PBX1: variants seen among roughly 807,000 people sequenced by gnomAD.
The protein encoded by PBX1 is pre-B-cell leukemia transcription factor 1.
A neutral mutation model predicts 53.4 loss-of-function variants in PBX1; 6 were observed. The ratio of observed to expected loss-of-function variants is 0.11; its 90% CI spans 0.06 to 0.22. The LOEUF is 0.22. PBX1 is among the 10% of genes least tolerant of loss of function. PBX1 has a pLI of 1.00. For synonymous variants in PBX1, 204 were observed against 212.3 expected (o/e 0.96, Z 0.34); for missense variants, 251 against 551.4 (o/e 0.46, Z 5.46).
At chr1:164,623,834 T>C (rs1657856222) in intron 2 of PBX1, among the ~76,000 whole-genome samples, 2 of 152,230 alleles carry the variant, frequency 1.3e-5, no homozygotes, top group South Asian at 2.1e-4. Context: ...GTTAATGATA[T>C]TTTAGAAGCC....
chr1:164,694,622 C>T (rs1662700600), intron 2 of PBX1, among the ~76,000 whole-genome samples: 1 of 152,192 alleles, frequency 6.6e-6, no homozygotes, highest in Non-Finnish European at 1.5e-5. Flanking sequence ...CAATCCCCAT[C>T]CACAACAAGT....
At chr1:164,842,830 T>C (rs1189036792) in intron 8 of PBX1, among the ~76,000 whole-genome samples, 1 of 152,124 alleles carries the variant, frequency 6.6e-6, no homozygotes, top group Non-Finnish European at 1.5e-5. Context: ...TTATAAAGAA[T>C]TGTTTGCATC....
chr1:164,861,094 T>TAA (rs112809386), intron 2 of PBX1, among the ~76,000 whole-genome samples: 13,386 of 151,444 alleles, frequency 0.088, 749 homozygotes, highest in East Asian at 0.17. Flanking sequence ...GGAGAAATGT[T>TAA]AAGAGAGGAA....
intron 2 of PBX1, among the ~76,000 whole-genome samples, chr1:164,879,747 C>T (rs1003723885): frequency 6.6e-6 from 1 of 152,156 alleles, no homozygotes; most frequent in African/African-American, 2.4e-5. Flanking sequence ...GATAATATGA[C>T]CAGATAGATC....
chr1:164,567,609 C>T (rs773121216), intron 2 of PBX1, among the ~76,000 whole-genome samples: 2 of 151,986 alleles, frequency 1.3e-5, no homozygotes, highest in Admixed American at 6.6e-5. Flanking sequence ...GGATATAAGC[C>T]GTAGACCTAC....
intron 2 of PBX1, among the ~76,000 whole-genome samples, chr1:164,875,982 G>GTA (rs1402850741): frequency 4.1e-5 from 1 of 24,324 alleles, no homozygotes; most frequent in African/African-American, 5.9e-5. Context: ...TATATTTGGT[G>GTA]TATGTGTATA....
chr1:164,746,591 G>C (rs1386789523), intron 2 of PBX1, among the ~76,000 whole-genome samples: 2 of 152,030 alleles, frequency 1.3e-5, no homozygotes, highest in African/African-American at 4.8e-5. Flanking sequence ...TGGCCAGGCT[G>C]TTCTCGAACC....
intron 2 of PBX1, among the ~76,000 whole-genome samples, chr1:164,637,568 A>G (rs887550873): frequency 3.3e-5 from 5 of 152,104 alleles, no homozygotes; most frequent in African/African-American, 1.2e-4. Flanking sequence ...GTAGGCAGCT[A>G]TTTGATTTGC....
At chr1:164,763,000 C>T (rs913224339) in intron 2 of PBX1, among the ~76,000 whole-genome samples, 1 of 152,070 alleles carries the variant, frequency 6.6e-6, no homozygotes, top group African/African-American at 2.4e-5. Context: ...TATATTATCT[C>T]GATTTTGATA....
chr1:164,708,544 C>G (rs1663578872), intron 2 of PBX1, among the ~76,000 whole-genome samples: 1 of 152,132 alleles, frequency 6.6e-6, no homozygotes, highest in South Asian at 2.1e-4. Context: ...AGCCCTTGCC[C>G]TTTCCCTCCC....
At chr1:164,572,720 G>T (rs1231595007) in intron 2 of PBX1, among the ~76,000 whole-genome samples, 1 of 152,092 alleles carries the variant, frequency 6.6e-6, no homozygotes, top group African/African-American at 2.4e-5. Context: ...GATGTAGGAT[G>T]GTGGGCTAAA....
intron 2 of PBX1, among the ~76,000 whole-genome samples, chr1:164,567,027 G>T (rs1653482024): frequency 6.6e-6 from 1 of 151,856 alleles, no homozygotes; most frequent in South Asian, 2.1e-4. Flanking sequence ...GTGTGTGTGT[G>T]TTTTTTTAAT....
chr1:164,561,637 C>T (rs1378008768), intron 1 of PBX1, among the ~76,000 whole-genome samples: 1 of 152,156 alleles, frequency 6.6e-6, no homozygotes, highest in African/African-American at 2.4e-5. Context: ...GTGGAAGGGG[C>T]TAGTAAGAAT....
intron 2 of PBX1, among the ~76,000 whole-genome samples, chr1:164,792,135 T>A (rs1668546668): frequency 6.6e-6 from 1 of 152,152 alleles, no homozygotes; most frequent in African/African-American, 2.4e-5. Context: ...CAGTTGAGTA[T>A]TATTTTGCAG....
rs368169012 is a variant in PBX1, at chr1:164,804,518, C to A, written c.702-3024C>A. On this transcript the variant is annotated intron_variant, in intron 4 of 8. Coordinates refer to ENST00000420696, the MANE Select transcript of PBX1 (RefSeq NM_002585.4). ...TAGCCACATTGCAGCTGCTCAGTAG[C>A]CACACATAGCCAATGACTAATGTAT... 2.8e-3 allele frequency among the ~76,000 whole-genome samples: 428 copies of A among 152,246 alleles called. 9 individuals carry two copies. The South Asian group carries it at 0.045, about 16-fold the overall frequency.
chr1:164,839,376 A>G (rs890230829), intron 8 of PBX1, among the ~76,000 whole-genome samples: 4 of 152,232 alleles, frequency 2.6e-5, no homozygotes, highest in African/African-American at 9.6e-5. Context: ...TACGTAATTA[A>G]AAACTAAGTG....
At chr1:164,790,431 T>C (rs1668439307) in intron 2 of PBX1, among the ~76,000 whole-genome samples, 1 of 152,172 alleles carries the variant, frequency 6.6e-6, no homozygotes, top group South Asian at 2.1e-4. Flanking sequence ...GAATATTACA[T>C]ATTCAGGTTT....
intron 3 of PBX1, 34 bp downstream of exon 3, chr1:164,792,772 C>A: frequency 1.3e-6 from 2 of 1,501,366 alleles, no homozygotes; most frequent in Non-Finnish European, 9.1e-7. Context: ...GGCACCCAGG[C>A]CCTTTAGGAA....
At chr1:164,690,488 G>GT (rs1343143650) in intron 2 of PBX1, among the ~76,000 whole-genome samples, 1 of 152,092 alleles carries the variant, frequency 6.6e-6, no homozygotes, top group East Asian at 1.9e-4. Flanking sequence ...AGAATACATT[G>GT]TTCGGGCGCA....
Sources: allele counts gnomAD v4.1 joint callset (sites outside exome capture counted in the v4.1 genomes callset), GRCh38; gene constraint gnomAD v4.1.1; transcripts MANE v1.5; gene names NCBI Gene and HGNC (gene_info 2026-07-23, HGNC 2026-07-21).